The following EBF2 variants were observed in gnomAD, a reference collection of about 807,000 sequenced individuals.
EBF2 encodes the protein EBF transcription factor 2.
In EBF2, 21 loss-of-function variants were observed where a neutral mutation model predicts 72.8. That is an observed-to-expected ratio of 0.29 (90% CI 0.20 to 0.42). The LOEUF is 0.42. EBF2 is among the 10% of genes least tolerant of loss of function. The pLI, the probability that EBF2 is intolerant of heterozygous loss-of-function variation, is 1.00. For synonymous variants in EBF2, 299 were observed against 274.2 expected, an observed-to-expected ratio of 1.09 and a Z score of -0.89; for missense variants, 637 against 731.2, an observed-to-expected ratio of 0.87 and a Z score of 1.49.
chr8:25,911,117 C>T (rs1803122137), intron 6 of EBF2, among the ~76,000 whole-genome samples: 1 of 152,146 alleles, frequency 6.6e-6, no homozygotes, highest in Non-Finnish European at 1.5e-5. Context: ...CATTTAGCCA[C>T]GGGGTAACTT....
intron 6 of EBF2, among the ~76,000 whole-genome samples, chr8:26,002,826 ACAGGCAGG>A (rs765733160): frequency 0.23 from 33,408 of 148,030 alleles, 4,071 homozygotes; most frequent in Non-Finnish European, 0.26. Context: ...AGCCAACGGG[ACAGGCAGG>A]CAGGCAGGCA....
chr8:26,020,025 A>G (rs1805180557), intron 6 of EBF2, among the ~76,000 whole-genome samples: 2 of 152,148 alleles, frequency 1.3e-5, no homozygotes, highest in African/African-American at 4.8e-5. Context: ...GCCAACCATC[A>G]AAGGTGGAGC....
chr8:26,038,691 T>C (rs1007483034), intron 5 of EBF2, among the ~76,000 whole-genome samples: 1 of 152,236 alleles, frequency 6.6e-6, no homozygotes, highest in African/African-American at 2.4e-5. Context: ...GTCCCTGAGA[T>C]ATTGGAGTAT....
intron 7 of EBF2, among the ~76,000 whole-genome samples, chr8:25,892,049 C>T (rs1563390989): frequency 6.6e-6 from 1 of 152,302 alleles, no homozygotes; most frequent in East Asian, 1.9e-4. Flanking sequence ...CAGTAGACCC[C>T]TTATCCAAGA....
At chr8:25,914,964 A>C (rs955838044) in intron 6 of EBF2, among the ~76,000 whole-genome samples, 5 of 152,294 alleles carry the variant, frequency 3.3e-5, no homozygotes, top group Admixed American at 2.6e-4. Context: ...TTAAGCAATA[A>C]ATTTTCTTAT....
chr8:26,025,286 G>T (rs1425152202), intron 6 of EBF2, among the ~76,000 whole-genome samples: 1 of 152,118 alleles, frequency 6.6e-6, no homozygotes, highest in Non-Finnish European at 1.5e-5. Context: ...TGTATTTTGT[G>T]AATACGTATT....
chr8:25,949,733 G>T (rs953634402), intron 6 of EBF2, among the ~76,000 whole-genome samples: 2 of 152,100 alleles, frequency 1.3e-5, no homozygotes, highest in African/African-American at 4.8e-5. Flanking sequence ...AGGGAGGGTG[G>T]TCATGGGAGT....
chr8:26,017,064 C>G (rs62499125), intron 6 of EBF2, among the ~76,000 whole-genome samples: 1 of 151,922 alleles, frequency 6.6e-6, no homozygotes, highest in Non-Finnish European at 1.5e-5. Context: ...ACAACCTTCC[C>G]CAAGGACCTT....
At chr8:25,876,265 G>A (rs1470607752) in intron 10 of EBF2, among the ~76,000 whole-genome samples, 1 of 152,080 alleles carries the variant, frequency 6.6e-6, no homozygotes, top group Non-Finnish European at 1.5e-5. Context: ...GTGGGTTGGG[G>A]GCAGGGAGAG....
chr8:25,970,332 C>G (rs573010550), intron 6 of EBF2, among the ~76,000 whole-genome samples: 1 of 152,320 alleles, frequency 6.6e-6, no homozygotes, highest in East Asian at 1.9e-4. Context: ...ATCTGCTCCA[C>G]CTTCTGGGAG....
intron 6 of EBF2, among the ~76,000 whole-genome samples, chr8:26,028,620 G>A (rs1326864291): frequency 6.6e-6 from 1 of 152,182 alleles, no homozygotes; most frequent in Non-Finnish European, 1.5e-5. Context: ...AGGCTCACTG[G>A]ATCGTCAGAG....
chr8:25,940,326 A>T (rs1335517713), intron 6 of EBF2, among the ~76,000 whole-genome samples: 1 of 152,200 alleles, frequency 6.6e-6, no homozygotes. Flanking sequence ...CATTTTACTG[A>T]TGCAGAAACC....
intron 3 of EBF2, 122 bp downstream of exon 3, chr8:26,040,817 G>A: frequency 6.6e-7 from 1 of 1,506,762 alleles, no homozygotes; most frequent in African/African-American, 1.4e-5. Flanking sequence ...CCCTGTCCCA[G>A]GCAAGCCTCC....
At chr8:25,877,599 T>C (rs552334993) in intron 10 of EBF2, among the ~76,000 whole-genome samples, 2 of 152,258 alleles carry the variant, frequency 1.3e-5, no homozygotes, top group African/African-American at 4.8e-5. Context: ...CACCTAATAA[T>C]GGGCTTGGCT....
At chr8:26,009,383 C>T (rs1804941051) in intron 6 of EBF2, among the ~76,000 whole-genome samples, 1 of 152,146 alleles carries the variant, frequency 6.6e-6, no homozygotes, top group African/African-American at 2.4e-5. Context: ...CTAGCATTAC[C>T]AGACACAAGT....
At chr8:26,042,384 T>G in intron 1 of EBF2, 133 bp from the exon 2 acceptor site, 1 of 1,115,718 alleles carries the variant, frequency 9.0e-7, no homozygotes, top group South Asian at 1.9e-5. Context: ...CCTTCGGGCC[T>G]TTTTTCCAAT....
chr8:26,042,302 G>A (rs1406591681), intron 1 of EBF2, 51 bp from the exon 2 acceptor site: 2 of 1,569,038 alleles, frequency 1.3e-6, no homozygotes, highest in Admixed American at 1.9e-5. Context: ...AGCACAAAAA[G>A]GCGATGTTAC....
Position 26,044,759 on chromosome 8 carries a change from C to T in EBF2, c.101G>A (p.Gly34Glu). 6.2e-7 allele frequency: 1 copy of T among 1,614,200 alleles called. No homozygotes were observed. Among genetic ancestry groups the T allele is most frequent in the East Asian group, 2.2e-5 (1 of 44,872 alleles). Residue 34 changes from glycine (G) to glutamate (E), a missense_variant, in exon 1 of 16, where the codon GGA becomes GAA. By Grantham distance (98) the Gly-to-Glu change is moderately conservative (BLOSUM62 -2). Transcript: ENST00000520164. This position sits in a 1 kb window ranked among gnomAD's most constrained non-coding sequence, Gnocchi z 4.1. Reference sequence around the variant, plus strand: ...CGCGGCGACATTAGCGTCCACCACTCCGACATTCCGGACCCAGGACCTGAC... The same window carrying T: ...CGCGGCGACATTAGCGTCCACCACTTCGACATTCCGGACCCAGGACCTGAC... The part of the protein sequence containing the change: ...DSVRSWVRNV[G>E]VVDANVAAQS...
intron 5 of EBF2, 60 bp from the exon 6 acceptor site, chr8:26,033,213 A>G (rs2117257902): frequency 6.6e-7 from 1 of 1,521,416 alleles, no homozygotes; most frequent in Middle Eastern, 1.7e-4. Flanking sequence ...AAATGCAATG[A>G]GCACATGACA....
Sources: gnomAD v4.1 joint callset for allele counts (sites outside exome capture counted in the v4.1 genomes callset) on GRCh38, gnomAD v4.1.1 for gene constraint, Gnocchi (gnomAD v3.1) non-coding constraint, MANE v1.5 for transcripts, NCBI Gene and HGNC (gene_info 2026-07-23, HGNC 2026-07-21) for gene names.